Variants in WDR70 observed in about 807,000 individuals in gnomAD.
WDR70 encodes the protein WD repeat domain 70, also known as WD repeat-containing protein 70.
Under a neutral mutation model 88.6 loss-of-function variants are expected in WDR70, and 53 were observed. That is an observed-to-expected ratio of 0.60 (90% CI 0.48 to 0.75). The LOEUF is 0.75. Ranked by LOEUF, WDR70 falls within the 30% of genes least tolerant of loss-of-function variation. The pLI, the probability that WDR70 is intolerant of heterozygous loss-of-function variation, is 0.00. For synonymous variants in WDR70, 280 were observed against 270.0 expected, an observed-to-expected ratio of 1.04 and a Z score of -0.36; for missense variants, 610 against 823.2, an observed-to-expected ratio of 0.74 and a Z score of 3.17.
At chr5:37,562,786 T>A (rs1353563876) in intron 9 of WDR70, among the ~76,000 whole-genome samples, 6 of 152,030 alleles carry the variant, frequency 3.9e-5, no homozygotes, top group Non-Finnish European at 8.8e-5. Context: ...ATCAACAGGA[T>A]CCCAAGGCAG....
intron 9 of WDR70, among the ~76,000 whole-genome samples, chr5:37,596,592 G>A (rs1743706896): frequency 6.6e-6 from 1 of 152,114 alleles, no homozygotes; most frequent in Non-Finnish European, 1.5e-5. Flanking sequence ...CATTTTGTCA[G>A]AGCAATAGAA....
intron 12 of WDR70, 105 bp downstream of exon 12, chr5:37,701,247 A>G: frequency 1.4e-6 from 1 of 702,876 alleles, no homozygotes; most frequent in Non-Finnish European, 2.3e-6. Flanking sequence ...CTTCTGGAAA[A>G]GAGACTTGAG....
intron 9 of WDR70, among the ~76,000 whole-genome samples, chr5:37,552,582 G>A (rs1464044858): frequency 1.3e-5 from 2 of 152,184 alleles, no homozygotes; most frequent in Non-Finnish European, 2.9e-5. Context: ...TTGTTTGAGT[G>A]CAGGAATAAG....
At chr5:37,563,006 A>G (rs1174098880) in intron 9 of WDR70, among the ~76,000 whole-genome samples, 1 of 134,794 alleles carries the variant, frequency 7.4e-6, no homozygotes, top group Admixed American at 7.7e-5. Flanking sequence ...GGGGCTCCTC[A>G]CTTCCCAGTA....
intron 9 of WDR70, among the ~76,000 whole-genome samples, chr5:37,520,151 A>T (rs1196698239): frequency 2.0e-5 from 3 of 152,218 alleles, no homozygotes; most frequent in Non-Finnish European, 2.9e-5. Context: ...TAGGTGAATC[A>T]TTAGTTAAAT....
intron 4 of WDR70, 147 bp from the exon 5 acceptor site, chr5:37,396,228 T>C: frequency 8.6e-7 from 1 of 1,156,380 alleles, no homozygotes; most frequent in Non-Finnish European, 1.2e-6. Context: ...GCATTAAACA[T>C]TTAATGTTTG....
chr5:37,506,838 G>C (rs1740575139), intron 8 of WDR70: 3 of 1,278,160 alleles, frequency 2.3e-6, no homozygotes, highest in Non-Finnish European at 3.4e-6. Context: ...TGCTGTTCAG[G>C]AACAGGGTCA....
intron 8 of WDR70, among the ~76,000 whole-genome samples, chr5:37,488,397 G>A (rs912070093): frequency 5.9e-5 from 9 of 151,606 alleles, no homozygotes; most frequent in South Asian, 2.1e-4. Flanking sequence ...GGTTTTCTAT[G>A]CCATTGATCT....
intron 10 of WDR70, among the ~76,000 whole-genome samples, chr5:37,670,240 AAG>A (rs1464702819): frequency 2.0e-5 from 3 of 152,202 alleles, no homozygotes; most frequent in African/African-American, 7.2e-5. Flanking sequence ...TATATGCTGA[AAG>A]GATCTTGGAC....
chr5:37,657,234 C>G (rs1745579477), intron 10 of WDR70, among the ~76,000 whole-genome samples: 1 of 152,088 alleles, frequency 6.6e-6, no homozygotes, highest in Non-Finnish European at 1.5e-5. Context: ...TCATGGTTTC[C>G]CTTGGCCAGG....
chr5:37,537,973 C>A lies in WDR70; in HGVS notation c.917+21383C>A, dbSNP rs7724612. On this transcript the variant is annotated intron_variant, in intron 9 of 17. Transcript: ENST00000265107. ...AATTAGTTCAGTGAGGGCCTTTGGG[C>A]AAAATTCACTCTATATTTCTTAGAG... 8.7e-3 allele frequency among the ~76,000 whole-genome samples: 1,330 copies of A among 152,236 alleles called. 24 individuals carry two copies. The highest frequency in any genetic ancestry group is 0.03 in the African/African-American group (1,259 of 41,552).
intron 8 of WDR70, among the ~76,000 whole-genome samples, chr5:37,495,099 A>G (rs1363805634): frequency 6.6e-6 from 1 of 152,238 alleles, no homozygotes; most frequent in African/African-American, 2.4e-5. Flanking sequence ...TTTAGAAAAA[A>G]TGTGTGCAGA....
intron 9 of WDR70, among the ~76,000 whole-genome samples, chr5:37,545,902 A>G (rs1045465895): frequency 1.1e-4 from 16 of 152,132 alleles, no homozygotes; most frequent in African/African-American, 3.4e-4. Context: ...TATTTTCATT[A>G]TTGTGTTTAC....
intron 12 of WDR70, among the ~76,000 whole-genome samples, chr5:37,702,734 A>G (rs1255655676): frequency 6.6e-6 from 1 of 152,180 alleles, no homozygotes; most frequent in Non-Finnish European, 1.5e-5. Flanking sequence ...GCAAGGTGTA[A>G]TTAAATTATT....
intron 17 of WDR70, among the ~76,000 whole-genome samples, chr5:37,744,347 C>T (rs529989467): frequency 6.6e-6 from 1 of 151,854 alleles, no homozygotes; most frequent in Admixed American, 6.5e-5. Context: ...ATGCTGAAAA[C>T]CCACAAGGCC....
intron 5 of WDR70, among the ~76,000 whole-genome samples, chr5:37,422,790 A>AT (rs572711349): frequency 2.3e-4 from 35 of 151,526 alleles, no homozygotes; most frequent in African/African-American, 8.0e-4. Context: ...CCTCAGCTAA[A>AT]TTTTTTTTGT....
At chr5:37,639,319 C>T (rs1046762852) in intron 10 of WDR70, among the ~76,000 whole-genome samples, 5 of 152,094 alleles carry the variant, frequency 3.3e-5, no homozygotes, top group African/African-American at 4.8e-5. Context: ...TCTGAAGACT[C>T]GTCAAAACTT....
intron 9 of WDR70, among the ~76,000 whole-genome samples, chr5:37,561,146 T>G (rs1742490997): frequency 6.6e-6 from 1 of 152,172 alleles, no homozygotes; most frequent in Non-Finnish European, 1.5e-5. Flanking sequence ...ACTAAGAAGA[T>G]GACTGTGATT....
At chr5:37,588,494 C>T (rs2112441195) in intron 9 of WDR70, among the ~76,000 whole-genome samples, 1 of 152,230 alleles carries the variant, frequency 6.6e-6, no homozygotes, top group Non-Finnish European at 1.5e-5. Flanking sequence ...CTTCCCTGCC[C>T]TCCCCTTCGC....
Sources: gnomAD v4.1 joint callset for allele counts (sites outside exome capture counted in the v4.1 genomes callset) on GRCh38, gnomAD v4.1.1 for gene constraint, MANE v1.5 for transcripts, NCBI Gene and HGNC (gene_info 2026-07-23, HGNC 2026-07-21) for gene names.